ATXN1: variants seen among roughly 807,000 people sequenced by gnomAD.
The protein encoded by ATXN1 is ataxin-1.
In ATXN1, 8 loss-of-function variants were observed where a neutral mutation model predicts 56.4. The observed-to-expected ratio is 0.14, with a 90% confidence interval of 0.08 to 0.26. ATXN1 has a LOEUF of 0.26. Among genes scored for constraint, ATXN1 ranks in the 10% least tolerant of loss-of-function variants. The pLI is 1.00. For synonymous variants in ATXN1, 514 were observed against 494.6 expected, an observed-to-expected ratio of 1.04 and a Z score of -0.52; for missense variants, 987 against 1,106.5, an observed-to-expected ratio of 0.89 and a Z score of 1.53.
chr6:16,689,051 G>GTA (rs1213058992), intron 2 of ATXN1, among the ~76,000 whole-genome samples: 1 of 151,996 alleles, frequency 6.6e-6, no homozygotes, highest in Non-Finnish European at 1.5e-5. Context: ...TGTACTCTGT[G>GTA]TGTGTGTATG....
intron 2 of ATXN1, among the ~76,000 whole-genome samples, chr6:16,670,987 TCTAG>T (rs1758528841): frequency 6.6e-6 from 1 of 152,252 alleles, no homozygotes; most frequent in African/African-American, 2.4e-5. Context: ...GTCCATTTAC[TCTAG>T]CTAATTTTTG....
chr6:16,317,594 G>C (rs1760543335), intron 7 of ATXN1, among the ~76,000 whole-genome samples: 2 of 152,110 alleles, frequency 1.3e-5, no homozygotes, highest in Admixed American at 1.3e-4. Flanking sequence ...CAAAGTGCTG[G>C]GATTACAGGT....
intron 6 of ATXN1, among the ~76,000 whole-genome samples, chr6:16,475,875 T>C (rs563202027): frequency 8.1e-4 from 122 of 151,238 alleles, no homozygotes; most frequent in African/African-American, 2.8e-3. Flanking sequence ...TCATTACTTT[T>C]TTTTTTTTTT....
At chr6:16,557,270 T>C (rs1762030757) in intron 4 of ATXN1, among the ~76,000 whole-genome samples, 2 of 143,522 alleles carry the variant, frequency 1.4e-5, no homozygotes, top group African/African-American at 5.2e-5. Flanking sequence ...GAGGTTTCAG[T>C]GAGCCAAGAT....
At chr6:16,344,199 A>C (rs1441159167) in intron 6 of ATXN1, among the ~76,000 whole-genome samples, 1 of 151,934 alleles carries the variant, frequency 6.6e-6, no homozygotes, top group Non-Finnish European at 1.5e-5. Context: ...CAACATTCTC[A>C]TCCACACACC....
chr6:16,567,766 A>AT (rs1337416388), intron 4 of ATXN1, among the ~76,000 whole-genome samples: 3 of 152,236 alleles, frequency 2.0e-5, no homozygotes, highest in African/African-American at 7.2e-5. Context: ...TTGTGCACAC[A>AT]TTACCCATGC....
chr6:16,688,882 T>C (rs1758976463), intron 2 of ATXN1, among the ~76,000 whole-genome samples: 1 of 152,212 alleles, frequency 6.6e-6, no homozygotes, highest in South Asian at 2.1e-4. Context: ...CTCTCCTTTG[T>C]CTAGGTGCTT....
chr6:16,532,867 C>A (rs1014649813), intron 4 of ATXN1, among the ~76,000 whole-genome samples: 1 of 152,124 alleles, frequency 6.6e-6, no homozygotes, highest in Non-Finnish European at 1.5e-5. Context: ...CATGATTCAC[C>A]AATTCCACTT....
chr6:16,434,411 G>T (rs1759347854), intron 6 of ATXN1, among the ~76,000 whole-genome samples: 1 of 152,126 alleles, frequency 6.6e-6, no homozygotes, highest in African/African-American at 2.4e-5. Flanking sequence ...CTGTGTTATT[G>T]GGAAATGATG....
chr6:16,661,295 T>C lies in ATXN1; in HGVS notation c.-614-3394A>G, dbSNP rs11757883. On this transcript the variant is annotated intron_variant, in intron 2 of 7. Transcript: ENST00000436367. ...AAATATACATATATAGCATTTATTATACATATATATTATTTTACAAAATAT... is the reference window on the plus strand; with the variant it reads ...AAATATACATATATAGCATTTATTACACATATATATTATTTTACAAAATAT... 8.5e-3 allele frequency among the ~76,000 whole-genome samples: 1,296 copies of C among 152,138 alleles called. 11 individuals are homozygous for C. The highest frequency in any genetic ancestry group is 0.027 in the Middle Eastern group (8 of 292).
intron 6 of ATXN1, among the ~76,000 whole-genome samples, chr6:16,397,005 A>G (rs1052189640): frequency 6.6e-6 from 1 of 152,180 alleles, no homozygotes; most frequent in African/African-American, 2.4e-5. Context: ...GGCTTGGGTG[A>G]ACACACTTTA....
intron 5 of ATXN1, among the ~76,000 whole-genome samples, chr6:16,509,882 C>T (rs1271441399): frequency 1.3e-5 from 2 of 152,166 alleles, no homozygotes; most frequent in African/African-American, 4.8e-5. Context: ...CACAGGCATA[C>T]GGGTGGCCCC....
chr6:16,749,638 T>G (rs1417782751), intron 2 of ATXN1, among the ~76,000 whole-genome samples: 1 of 152,064 alleles, frequency 6.6e-6, no homozygotes, highest in Non-Finnish European at 1.5e-5. Flanking sequence ...CCACCCAGCC[T>G]CCTTCACCCC....
chr6:16,399,038 A>G (rs183700245), intron 6 of ATXN1, among the ~76,000 whole-genome samples: 1 of 152,342 alleles, frequency 6.6e-6, no homozygotes, highest in East Asian at 1.9e-4. Context: ...GCCAGGGTTA[A>G]AACCTTCAGA....
At chr6:16,465,352 G>A (rs1480354518) in intron 6 of ATXN1, among the ~76,000 whole-genome samples, 2 of 152,226 alleles carry the variant, frequency 1.3e-5, no homozygotes, top group African/African-American at 4.8e-5. Flanking sequence ...AGCTACTTGG[G>A]AGGCTGAGGC....
Position 16,369,177 on chromosome 6 carries a change from C to T in ATXN1, c.-160-40707G>A, listed in dbSNP as rs149478429. 7.7e-4 allele frequency among the ~76,000 whole-genome samples: 117 copies of T among 152,318 alleles called. 1 individual carries two copies. The highest frequency in any genetic ancestry group is 2.7e-3 in the African/African-American group (112 of 41,566). ...ACTTTCTTCCTCTATGTTAAAGTAA[C>T]TTGAAATCATCTACCTTGTCTTCTA... On this transcript the variant is annotated intron_variant, in intron 6 of 7. Coordinates refer to ENST00000436367, the MANE Select transcript of ATXN1 (RefSeq NM_001128164.2).
At chr6:16,580,029 T>C (rs1762499888) in intron 4 of ATXN1, among the ~76,000 whole-genome samples, 1 of 152,210 alleles carries the variant, frequency 6.6e-6, no homozygotes, top group African/African-American at 2.4e-5. Context: ...TCTTAATACT[T>C]TTGGCATATA....
chr6:16,706,128 G>C (rs1261638731), intron 2 of ATXN1, among the ~76,000 whole-genome samples: 1 of 152,066 alleles, frequency 6.6e-6, no homozygotes, highest in Non-Finnish European at 1.5e-5. Flanking sequence ...AAGCTTGTCT[G>C]AACAACTCCT....
At chr6:16,743,715 G>A (rs1244374612) in intron 2 of ATXN1, among the ~76,000 whole-genome samples, 1 of 152,184 alleles carries the variant, frequency 6.6e-6, no homozygotes, top group Non-Finnish European at 1.5e-5. Context: ...GGCTTCGTGA[G>A]GAAGAGACTC....
Sources: allele counts gnomAD v4.1 joint callset (sites outside exome capture counted in the v4.1 genomes callset), GRCh38; gene constraint gnomAD v4.1.1; transcripts MANE v1.5; gene names NCBI Gene and HGNC (gene_info 2026-07-23, HGNC 2026-07-21).